Variants in CACNA2D1 observed in about 807,000 individuals in gnomAD.
The protein encoded by CACNA2D1 is calcium voltage-gated channel auxiliary subunit alpha2delta 1, also known as voltage-dependent calcium channel subunit alpha-2/delta-1.
CACNA2D1 carries 53 observed loss-of-function variants against 171.5 expected under a neutral mutation model. That is an observed-to-expected ratio of 0.31 (90% confidence interval 0.25 to 0.39). The LOEUF is 0.39. CACNA2D1 is among the 10% of genes least tolerant of loss of function. The pLI is 1.00. For missense variants in CACNA2D1, 903 were observed against 1,299.8 expected (o/e 0.69, Z 4.69); for synonymous variants, 442 against 443.1 (o/e 1.00, Z 0.03).
chr7:82,240,398 T>C (rs1804114772), intron 3 of CACNA2D1, among the ~76,000 whole-genome samples: 1 of 152,230 alleles, frequency 6.6e-6, no homozygotes, highest in South Asian at 2.1e-4. Context: ...ATTTCAACCC[T>C]GATCTAATAA....
intron 10 of CACNA2D1, among the ~76,000 whole-genome samples, chr7:82,059,681 C>T (rs1806364325): frequency 6.6e-6 from 1 of 151,782 alleles, no homozygotes; most frequent in Admixed American, 6.6e-5. Flanking sequence ...AAAAAGGCTC[C>T]TGGCATAGAA....
At chr7:82,319,773 T>C (rs1815587383) in intron 3 of CACNA2D1, among the ~76,000 whole-genome samples, 1 of 152,154 alleles carries the variant, frequency 6.6e-6, no homozygotes, top group Non-Finnish European at 1.5e-5. Context: ...TAGACCAACA[T>C]TTATAGGAGT....
intron 1 of CACNA2D1, among the ~76,000 whole-genome samples, chr7:82,373,085 G>A (rs138069802): frequency 0.018 from 2,706 of 152,216 alleles, 92 homozygotes; most frequent in African/African-American, 0.061. Context: ...TCAGGAGGCT[G>A]AGGCACAAGA....
At chr7:82,085,711 C>G (rs1382825124) in intron 6 of CACNA2D1, among the ~76,000 whole-genome samples, 2 of 150,196 alleles carry the variant, frequency 1.3e-5, no homozygotes, top group South Asian at 4.2e-4. Flanking sequence ...CTGGTTATTT[C>G]TATTAATAAT....
intron 1 of CACNA2D1, among the ~76,000 whole-genome samples, chr7:82,430,140 G>A (rs999916254): frequency 1.5e-4 from 16 of 104,256 alleles, no homozygotes; most frequent in African/African-American, 5.4e-4. Context: ...TTGGCTGGGC[G>A]CAGTGGCTCA....
chr7:81,951,975 T>TTTTTTTG (rs1792615142), intron 38 of CACNA2D1, among the ~76,000 whole-genome samples: 1 of 147,466 alleles, frequency 6.8e-6, no homozygotes, highest in Non-Finnish European at 1.5e-5. Flanking sequence ...AAGTGTTTTT[T>TTTTTTTG]TTTTTTTTTT....
At chr7:82,149,570 C>T (rs916962958) in intron 4 of CACNA2D1, among the ~76,000 whole-genome samples, 1 of 151,994 alleles carries the variant, frequency 6.6e-6, no homozygotes, top group Non-Finnish European at 1.5e-5. Context: ...GTGTTCACTC[C>T]TGCTCATTCT....
intron 3 of CACNA2D1, among the ~76,000 whole-genome samples, chr7:82,280,294 G>C (rs1471689922): frequency 1.3e-5 from 2 of 152,142 alleles, no homozygotes; most frequent in Non-Finnish European, 2.9e-5. Context: ...ACATATGACA[G>C]AGAGGAAAAT....
intron 6 of CACNA2D1, among the ~76,000 whole-genome samples, chr7:82,094,453 T>G (rs1328357323): frequency 2.0e-5 from 3 of 152,266 alleles, no homozygotes; most frequent in Non-Finnish European, 4.4e-5. Flanking sequence ...CACAGAGAGA[T>G]GGACATCTGT....
intron 20 of CACNA2D1, among the ~76,000 whole-genome samples, chr7:81,993,257 T>G (rs535010040): frequency 6.6e-6 from 1 of 152,130 alleles, no homozygotes; most frequent in East Asian, 1.9e-4. Flanking sequence ...TAAATAGAGG[T>G]TCTGTGGGAA....
chr7:82,001,697 G>T, intron 18 of CACNA2D1: 1 of 1,257,262 alleles, frequency 8.0e-7, no homozygotes, highest in Non-Finnish European at 1.1e-6. Flanking sequence ...TTAATTGTTG[G>T]TATACCTACA....
intron 1 of CACNA2D1, among the ~76,000 whole-genome samples, chr7:82,388,473 G>A (rs191063347): frequency 1.3e-5 from 2 of 152,274 alleles, no homozygotes; most frequent in East Asian, 1.9e-4. Context: ...GTCCACTTCA[G>A]ATAAGATCCA....
intron 3 of CACNA2D1, among the ~76,000 whole-genome samples, chr7:82,171,824 G>A (rs1489193159): frequency 6.6e-6 from 1 of 152,014 alleles, no homozygotes; most frequent in Non-Finnish European, 1.5e-5. Flanking sequence ...ATCAGGTTAG[G>A]TTTAAAAAAT....
At chr7:82,308,333 G>C (rs1813990424) in intron 3 of CACNA2D1, among the ~76,000 whole-genome samples, 1 of 152,114 alleles carries the variant, frequency 6.6e-6, no homozygotes, top group African/African-American at 2.4e-5. Context: ...GTCACATAAA[G>C]GGATCAAAAA....
chr7:82,240,570 C>A (rs773425859), intron 3 of CACNA2D1, among the ~76,000 whole-genome samples: 22 of 152,132 alleles, frequency 1.4e-4, no homozygotes, highest in Non-Finnish European at 2.5e-4. Flanking sequence ...TCAAAGAATT[C>A]TCACAAACCG....
At chr7:82,373,022 T>C (rs748625074) in intron 1 of CACNA2D1, among the ~76,000 whole-genome samples, 6 of 152,034 alleles carry the variant, frequency 3.9e-5, no homozygotes, top group Non-Finnish European at 5.9e-5. Flanking sequence ...CCATCTCTAC[T>C]AAAAATACAA....
chr7:82,264,987 T>C (rs1433608986), intron 3 of CACNA2D1, among the ~76,000 whole-genome samples: 1 of 152,200 alleles, frequency 6.6e-6, no homozygotes, highest in African/African-American at 2.4e-5. Flanking sequence ...TTCATATCAC[T>C]GCAATGACAC....
rs529102814 is a variant in CACNA2D1, at chr7:82,386,755, T to TAAAG, written c.96-37107_96-37106insCTTT. 7.5e-3 allele frequency among the ~76,000 whole-genome samples: 1,125 copies of TAAAG among 149,360 alleles called. 9 individuals carry two copies. Among genetic ancestry groups the TAAAG allele is most frequent in the African/African-American group, 0.026 (1,078 of 40,826 alleles). ...TCTCAAAAATAAATAAATAAATAAA[T>TAAAG]AAATAAATAAATAAATAAATAAATA... On this transcript the variant is annotated intron_variant, in intron 1 of 38. Transcript: ENST00000356860.
chr7:82,040,237 C>G (rs12535840), intron 10 of CACNA2D1, among the ~76,000 whole-genome samples: 78,716 of 151,784 alleles, frequency 0.52, 20,704 homozygotes, highest in Non-Finnish European at 0.57. Context: ...AGAGCGGTAT[C>G]TTCAATAACT....
Sources: gnomAD v4.1 joint callset for allele counts (sites outside exome capture counted in the v4.1 genomes callset) on GRCh38, gnomAD v4.1.1 for gene constraint, MANE v1.5 for transcripts, NCBI Gene and HGNC (gene_info 2026-07-23, HGNC 2026-07-21) for gene names.